Variants in MAN2B2 observed in about 807,000 individuals in gnomAD.
MAN2B2 encodes the protein mannosidase alpha class 2B member 2, also known as epididymis-specific alpha-mannosidase.
Under a neutral mutation model 117.1 loss-of-function variants are expected in MAN2B2, and 106 were observed. The ratio of observed to expected loss-of-function variants is 0.90; its 90% CI spans 0.77 to 1.06. The LOEUF (loss-of-function observed/expected upper bound fraction) is 1.06. Among genes scored for constraint, MAN2B2 ranks in the 50% least tolerant of loss-of-function variants. The probability of loss-of-function intolerance (pLI) is 0.00; values close to 1 mark genes in which losing one functional copy is unlikely to be tolerated. For synonymous variants in MAN2B2, 544 were observed against 595.1 expected (o/e 0.91, Z 1.25); for missense variants, 1,326 against 1,381.4 (o/e 0.96, Z 0.64).
chr4:6,617,420 G>A lies in MAN2B2; in HGVS notation c.2742G>A (p.Leu914=). 1 of 1,614,136 alleles carries A rather than the reference G, an allele frequency of 6.2e-7. No individual in the cohort carries two copies. ...CCCAGGCTGACCTCCGCCGTGTCCT[G>A]CTGCGGCTCTACCACCTATATGAAG... is the stretch of plus-strand genomic sequence containing the variant. ...GEAQADLRRV[L]LRLYHLYEVG... is the part of the protein sequence containing the mutation. The change falls in exon 17 of 19, where the codon CTG becomes CTA. Residue 914 remains leucine, a synonymous_variant. Coordinates refer to ENST00000285599, the MANE Select transcript of MAN2B2 (RefSeq NM_015274.3).
chr4:6,620,784 A>C (rs1712136152), intron 18 of MAN2B2: 1 of 175,528 alleles, frequency 5.7e-6, no homozygotes, highest in Admixed American at 6.2e-5. Context: ...GCCCAACCCC[A>C]GGGCATGCCT....
intron 2 of MAN2B2, 78 bp from the exon 3 acceptor site, chr4:6,578,315 T>C: frequency 9.5e-7 from 1 of 1,048,586 alleles, no homozygotes; most frequent in Non-Finnish European, 1.4e-6. Context: ...TGTGTGGCGC[T>C]GTAGGTGTGT....
At position 6,605,160 on chromosome 4, in the gene MAN2B2, C is replaced by T. The variant is rs754247656; in HGVS notation, c.1645C>T (p.Gln549Ter). The T allele has an allele frequency of 4.3e-6, 7 of 1,614,226 alleles. No individual in the cohort carries two copies. The Admixed American group carries it at 1.2e-4, about 27-fold the overall frequency. ...CAACATCAGACCCACTGCAGGGGCCCAAGAGGGCACCCAGGAGCCGGCTGC... is the reference window on the plus strand; with the variant it reads ...CAACATCAGACCCACTGCAGGGGCCTAAGAGGGCACCCAGGAGCCGGCTGC... ...HYNIRPTAGAQEGTQEPAATV... is the reference protein window; with the variant it reads ...HYNIRPTAGA Residue 549 changes from glutamine (Q) to a stop codon, truncating the protein, a stop_gained, in exon 11 of 19, where the codon CAA (glutamine) becomes TAA (stop). Coordinates refer to ENST00000285599, the MANE Select transcript of MAN2B2 (RefSeq NM_015274.3). LOFTEE classifies it high-confidence loss of function.
At chr4:6,579,331 C>CCACCATCACCATCACCAT (rs1726310113) in intron 3 of MAN2B2, among the ~76,000 whole-genome samples, 2 of 84,744 alleles carry the variant, frequency 2.4e-5, no homozygotes, top group Admixed American at 1.2e-4. Context: ...ACCACCACCA[C>CCACCATCACCATCACCAT]CACCACCACC....
rs1367490216 is a variant in MAN2B2 at position 6,576,534 on chromosome 4, G to A, written c.139-44G>A. ...AATGGCAGGGGCCCCAGGGACACTT[G>A]GTCTTGTTGGACCGGGGCTGGCATG... On this transcript the variant is annotated intron_variant, in intron 1 of 18. Coordinates refer to ENST00000285599, the MANE Select transcript of MAN2B2 (RefSeq NM_015274.3). 3.1e-6 allele frequency: 5 copies of A among 1,593,042 alleles called. No homozygotes were observed. In the East Asian group the frequency reaches 1.1e-4, roughly 36 times the overall value.
At chr4:6,609,381 T>C in intron 12 of MAN2B2, 83 bp downstream of exon 12, 1 of 1,396,496 alleles carries the variant, frequency 7.2e-7, no homozygotes, top group Non-Finnish European at 9.8e-7. Flanking sequence ...GGGTCTGTCT[T>C]TGCTCTGAAC....
chr4:6,593,995 C>G (rs1454126127), intron 6 of MAN2B2, among the ~76,000 whole-genome samples: 3 of 152,176 alleles, frequency 2.0e-5, no homozygotes, highest in African/African-American at 4.8e-5. Flanking sequence ...CCAGAGCCTG[C>G]CTTCTTCATC....
chr4:6,602,390 G>C (rs1199453936), intron 10 of MAN2B2, among the ~76,000 whole-genome samples: 2 of 152,194 alleles, frequency 1.3e-5, no homozygotes, highest in African/African-American at 4.8e-5. Flanking sequence ...CCATCTTCCT[G>C]TGTGTCCTCA....
intron 10 of MAN2B2, among the ~76,000 whole-genome samples, chr4:6,602,351 G>A (rs570993599): frequency 6.6e-5 from 10 of 152,200 alleles, no homozygotes; most frequent in East Asian, 1.9e-4. Context: ...CAGCATGGCC[G>A]GGTTCTGGTG....
chr4:6,581,423 C>G (rs554435595), intron 3 of MAN2B2, among the ~76,000 whole-genome samples: 2 of 152,250 alleles, frequency 1.3e-5, no homozygotes, highest in Non-Finnish European at 2.9e-5. Flanking sequence ...AACTGGCGCT[C>G]AAGCCCATGT....
In MAN2B2 at chr4:6,579,459, T is replaced by A. The variant is rs1355961198; in HGVS notation, c.391+961T>A. 3.2e-4 allele frequency among the ~76,000 whole-genome samples: 37 copies of A among 115,948 alleles called. No individual in the cohort carries two copies. The East Asian group carries it at 9.8e-3, about 31-fold the overall frequency. 76.1% of individuals were successfully genotyped at this position (115,948 alleles called of 152,430 possible). ...CCACCCTTCACCATCACCACCACCCTTCACCACCACAATGACCATCACTAC... is the reference window on the plus strand; with the variant it reads ...CCACCCTTCACCATCACCACCACCCATCACCACCACAATGACCATCACTAC... On this transcript the variant is annotated intron_variant, in intron 3 of 18. Transcript: ENST00000285599.
At position 6,597,196 on chromosome 4, in the gene MAN2B2, G is replaced by A. The variant is rs1443990775; in HGVS notation, c.1141G>A (p.Ala381Thr). 6 of 1,612,440 alleles carry A rather than the reference G, an allele frequency of 3.7e-6. No homozygotes were observed. The South Asian group carries it at 6.6e-5, about 18-fold the overall frequency. ...LARRASALLY[A>T]GESMFTRYLW... ...CCGGCGAGCCAGCGCCTTGTTGTAT[G>A]CCGGGGAGTCCATGTTCACACGCTA... The change falls in exon 8 of 19, where the codon GCC becomes ACC. Residue 381 changes from alanine to threonine, a missense_variant. Physicochemically the swap from Ala to Thr is moderately conservative, Grantham distance 58. Coordinates refer to ENST00000285599, the MANE Select transcript of MAN2B2 (RefSeq NM_015274.3).
Position 6,600,743 on chromosome 4 carries a change from C to T in MAN2B2, c.1526C>T (p.Pro509Leu). Reference sequence around the variant, plus strand: ...CGCGTCACAGATGAGGCGGGCCACCCAGTGCCCTCGCAGGTATGGACACAA... The same window carrying T: ...CGCGTCACAGATGAGGCGGGCCACCTAGTGCCCTCGCAGGTATGGACACAA... ...GVRVTDEAGH[P>L]VPSQIQNSTE... Residue 509 changes from proline to leucine, a missense_variant, in exon 10 of 19, where the codon CCA becomes CTA. By Grantham distance (98) the Pro-to-Leu change is moderately conservative. Transcript: ENST00000285599. 3 of 1,613,580 alleles carry T rather than the reference C, an allele frequency of 1.9e-6. No individual in the cohort carries two copies. Among genetic ancestry groups the T allele is most frequent in the Non-Finnish European group, 2.5e-6 (3 of 1,180,026 alleles).
At chr4:6,579,063 TCACCATC>T (rs1726202292) in intron 3 of MAN2B2, among the ~76,000 whole-genome samples, 1 of 33,182 alleles carries the variant, frequency 3.0e-5, no homozygotes, top group Admixed American at 2.8e-4. Flanking sequence ...ACCACCACCA[TCACCATC>T]ACCACCACCA....
intron 9 of MAN2B2, among the ~76,000 whole-genome samples, chr4:6,599,098 CTTGTTTT>C (rs1260029997): frequency 6.6e-6 from 1 of 152,182 alleles, no homozygotes; most frequent in African/African-American, 2.4e-5. Context: ...GCACTTCCTT[CTTGTTTT>C]TTGTTTTTTG....
Position 6,621,353 on chromosome 4 carries a change from C to A in MAN2B2, c.*68C>A. On this transcript the variant is annotated 3_prime_UTR_variant, in exon 19 of 19. Coordinates refer to ENST00000285599, the MANE Select transcript of MAN2B2 (RefSeq NM_015274.3). ...TCCATGTAACAGAACAGACCCAGGA[C>A]AGGGAAAAGCAGTGCGGAGGGATGG... is the stretch of plus-strand genomic sequence containing the variant. 2 of 1,333,912 alleles carry A rather than the reference C, an allele frequency of 1.5e-6. No individual in the cohort carries two copies. Among genetic ancestry groups the A allele is most frequent in the Non-Finnish European group, 2.1e-6 (2 of 944,088 alleles). The allele number at this position is 1,333,912 out of a possible 1,614,324, so 82.6% of individuals were successfully genotyped here. A position where few individuals can be genotyped will look rare whatever the true frequency, so the allele number is the denominator to read the frequency against.
chr4:6,579,243 CCCTTCACCACCAT>C (rs1560634782), intron 3 of MAN2B2, among the ~76,000 whole-genome samples: 1 of 11,182 alleles, frequency 8.9e-5, no homozygotes, highest in African/African-American at 2.7e-4. Context: ...ACCACCACCA[CCCTTCACCACCAT>C]CACCACCACC....
At chr4:6,584,631 C>T (rs930792530) in intron 3 of MAN2B2, among the ~76,000 whole-genome samples, 5 of 152,294 alleles carry the variant, frequency 3.3e-5, no homozygotes, top group Admixed American at 1.3e-4. Flanking sequence ...TGGCAGTTTC[C>T]GATGGGTCAA....
chr4:6,584,377 G>GGGA (rs1726554557), intron 3 of MAN2B2, among the ~76,000 whole-genome samples: 1 of 152,182 alleles, frequency 6.6e-6, no homozygotes, highest in African/African-American at 2.4e-5. Context: ...CCACATTCAA[G>GGGA]GCAGTAAAAG....
Sources: allele counts gnomAD v4.1 joint callset (sites outside exome capture counted in the v4.1 genomes callset), GRCh38; gene constraint gnomAD v4.1.1; transcripts MANE v1.5; gene names NCBI Gene and HGNC (gene_info 2026-07-23, HGNC 2026-07-21).